Variants in RAB3GAP2 observed in about 807,000 individuals in gnomAD.
The protein encoded by RAB3GAP2 is RAB3 GTPase activating non-catalytic protein subunit 2.
RAB3GAP2 carries 87 observed loss-of-function variants against 185.3 expected under a neutral mutation model. The observed-to-expected ratio is 0.47, with a 90% CI of 0.39 to 0.56. The LOEUF (loss-of-function observed/expected upper bound fraction) is 0.56. RAB3GAP2 is among the 20% of genes least tolerant of loss of function. The pLI, the probability that RAB3GAP2 is intolerant of heterozygous loss-of-function variation, is 0.00. For synonymous variants in RAB3GAP2, 554 were observed against 576.1 expected, an observed-to-expected ratio of 0.96 and a Z score of 0.55; for missense variants, 1,492 against 1,638.2, an observed-to-expected ratio of 0.91 and a Z score of 1.54.
At chr1:220,203,932 A>G (rs1658909672) in intron 8 of RAB3GAP2, among the ~76,000 whole-genome samples, 1 of 152,208 alleles carries the variant, frequency 6.6e-6, no homozygotes, top group African/African-American at 2.4e-5. Context: ...AAATAATTTC[A>G]GATCCCAATT....
Position 220,253,985 on chromosome 1 carries a change from G to A in RAB3GAP2, c.115+18238C>T, listed in dbSNP as rs555208209. 9.2e-5 allele frequency: 149 copies of A among 1,613,722 alleles called. 1 individual carries two copies. The South Asian group carries it at 1.1e-3, about 12-fold the overall frequency. Reference sequence around the variant, plus strand: ...CAGCCTCCTTGGAAGAAAAGGGCCCGGGTAGATCCTACTGTTGAAAATGAG... The same window carrying A: ...CAGCCTCCTTGGAAGAAAAGGGCCCAGGTAGATCCTACTGTTGAAAATGAG... On this transcript the variant is annotated intron_variant, in intron 1 of 34. Coordinates refer to ENST00000358951, the MANE Select transcript of RAB3GAP2 (RefSeq NM_012414.4).
chr1:220,251,284 A>G (rs777201344), intron 1 of RAB3GAP2, among the ~76,000 whole-genome samples: 9 of 152,238 alleles, frequency 5.9e-5, no homozygotes, highest in Non-Finnish European at 1.2e-4. Context: ...GATTTAGATT[A>G]AAATCTAGTA....
At chr1:220,254,283 G>A (rs1659993867) in intron 1 of RAB3GAP2, 1 of 1,613,416 alleles carries the variant, frequency 6.2e-7, no homozygotes, top group Admixed American at 1.7e-5. Flanking sequence ...ATAAATTTGA[G>A]AGACCACAGT....
Position 220,210,468 on chromosome 1 carries a change from G to C in RAB3GAP2, c.532C>G (p.Gln178Glu). ...AGTACTGGGTCCTCATTCAAAAGCT[G>C]TGCAAGCAAGAGCACACCATTCTAG... ...YTENGVLLLA[Q>E]LLNEDPVLQL... The change falls in exon 7 of 35, where the codon CAG becomes GAG. Residue 178 changes from glutamine (Q) to glutamate (E), a missense_variant. Gln to Glu is a conservative substitution (Grantham distance 29). Coordinates refer to ENST00000358951, the MANE Select transcript of RAB3GAP2 (RefSeq NM_012414.4). 6.2e-7 allele frequency: 1 copy of C among 1,613,986 alleles called. No homozygotes were observed. Among genetic ancestry groups the C allele is most frequent in the Admixed American group, 1.7e-5 (1 of 60,024 alleles).
chr1:220,182,860 C>T lies in RAB3GAP2; in HGVS notation c.2070G>A (p.Lys690=). The T allele has an allele frequency of 1.2e-6, 2 of 1,613,506 alleles. No individual in the cohort carries two copies. Among genetic ancestry groups the T allele is most frequent in the Middle Eastern group, 1.7e-4 (1 of 6,046 alleles). The change falls in exon 20 of 35, where the codon AAG becomes AAA. Residue 690 remains lysine (K), a synonymous_variant. Coordinates refer to ENST00000358951, the MANE Select transcript of RAB3GAP2 (RefSeq NM_012414.4). ...GAACATTTGTCCTGGTGTTCTCTTG[C>T]TTATATTTCTCTAGTAATGCCTGGA... ...LKLQALLEKY[K]QENTRTNVRF...
At chr1:220,226,387 T>C (rs1466143023) in intron 2 of RAB3GAP2, among the ~76,000 whole-genome samples, 2 of 151,228 alleles carry the variant, frequency 1.3e-5, no homozygotes, top group Non-Finnish European at 2.9e-5. Context: ...TTCTTTCTCA[T>C]AGCAAAAAAA....
intron 7 of RAB3GAP2, among the ~76,000 whole-genome samples, chr1:220,208,612 C>T (rs560993254): frequency 6.6e-6 from 1 of 152,340 alleles, no homozygotes; most frequent in South Asian, 2.1e-4. Flanking sequence ...CCAACTTTGA[C>T]AATGGCATTC....
At chr1:220,178,651 T>C (rs1415122634) in intron 21 of RAB3GAP2, among the ~76,000 whole-genome samples, 2 of 151,740 alleles carry the variant, frequency 1.3e-5, no homozygotes, top group East Asian at 3.9e-4. Context: ...CTACAATAGA[T>C]ACACAAAAAT....
chr1:220,180,440 T>C (rs1329496311), intron 21 of RAB3GAP2, among the ~76,000 whole-genome samples: 1 of 151,724 alleles, frequency 6.6e-6, no homozygotes, highest in East Asian at 1.9e-4. Context: ...ATAAATAAAA[T>C]CAGAGACAAA....
intron 28 of RAB3GAP2, among the ~76,000 whole-genome samples, chr1:220,159,944 G>A (rs1025685830): frequency 6.6e-6 from 1 of 152,014 alleles, no homozygotes; most frequent in Non-Finnish European, 1.5e-5. Flanking sequence ...TTGAACTCAG[G>A]AGGTAGAGGT....
intron 1 of RAB3GAP2, among the ~76,000 whole-genome samples, chr1:220,252,810 A>C (rs574125147): frequency 6.6e-6 from 1 of 152,098 alleles, no homozygotes; most frequent in Non-Finnish European, 1.5e-5. Flanking sequence ...ACAGAGAACC[A>C]TGAGTTTTAC....
At chr1:220,153,106 T>G (rs1373918181) in intron 33 of RAB3GAP2, 79 bp downstream of exon 33, 57 of 1,106,384 alleles carry the variant, frequency 5.2e-5, no homozygotes, top group Non-Finnish European at 7.6e-5. Context: ...AAGGCTTCAT[T>G]GGAAACTTAA....
In RAB3GAP2 at chr1:220,174,225, A is replaced by C. The variant is rs145203458; in HGVS notation, c.2311-1483T>G. Among the ~76,000 whole-genome samples the C allele has an allele frequency of 4.5e-3, 688 of 152,110 alleles. 3 individuals are homozygous for C. The highest frequency in any genetic ancestry group is 0.016 in the African/African-American group (647 of 41,490). ...CATGTACATATAAATTTATATATGCACTTAATTTTTACACTTACGAAACCA... is the reference window on the plus strand; with the variant it reads ...CATGTACATATAAATTTATATATGCCCTTAATTTTTACACTTACGAAACCA... On this transcript the variant is annotated intron_variant, in intron 21 of 34. Coordinates refer to ENST00000358951, the MANE Select transcript of RAB3GAP2 (RefSeq NM_012414.4).
At chr1:220,232,893 A>G in intron 1 of RAB3GAP2, 30 bp from the exon 2 acceptor site, 1 of 1,588,554 alleles carries the variant, frequency 6.3e-7, no homozygotes, top group Non-Finnish European at 8.6e-7. Flanking sequence ...CAATGCTTGC[A>G]TGAAATATAG....
rs548520232 is a variant in RAB3GAP2, at chr1:220,253,550, A to G, written c.115+18673T>C. The stretch of plus-strand genomic sequence containing the variant: ...AGTCGGGGGTGGTGGGAGAAGGAGG[A>G]GGCGGCAAATCACTTATAAATGGCG... On this transcript the variant is annotated intron_variant, in intron 1 of 34. Transcript: ENST00000358951. The G allele has an allele frequency of 5.1e-6, 8 of 1,580,068 alleles. No homozygotes were observed. The East Asian group carries it at 1.6e-4, about 31-fold the overall frequency.
rs147682354 is a variant in RAB3GAP2 at position 220,165,209 on chromosome 1, G to A, written c.3088-410C>T. Among the ~76,000 whole-genome samples, 483 of 148,300 alleles carry A rather than the reference G, an allele frequency of 3.3e-3. 2 individuals carry two copies. The highest frequency in any genetic ancestry group is 5.7e-3 in the Non-Finnish European group (382 of 67,380). On this transcript the variant is annotated intron_variant, in intron 26 of 34. Coordinates refer to ENST00000358951, the MANE Select transcript of RAB3GAP2 (RefSeq NM_012414.4). The stretch of plus-strand genomic sequence containing the variant: ...ATGCACCAAGCCCTATTTGAAGCAC[G>A]ATGGATTCCATAATGAACAAAACAG...
chr1:220,152,955 T>G (rs1178110897), intron 33 of RAB3GAP2, among the ~76,000 whole-genome samples: 1 of 152,178 alleles, frequency 6.6e-6, no homozygotes, highest in Non-Finnish European at 1.5e-5. Flanking sequence ...AGGAACCTTG[T>G]CTGTTTTGTT....
chr1:220,162,792 T>C (rs1657986116), intron 27 of RAB3GAP2, among the ~76,000 whole-genome samples: 1 of 152,222 alleles, frequency 6.6e-6, no homozygotes, highest in African/African-American at 2.4e-5. Context: ...TGTATGAGAT[T>C]GTTGGGAACA....
rs576668103 is a variant in RAB3GAP2, at chr1:220,210,880, T to A, written c.435-4A>T. On this transcript the variant is annotated splice_polypyrimidine_tract_variant and splice_region_variant and intron_variant, in intron 5 of 34. Coordinates refer to ENST00000358951, the MANE Select transcript of RAB3GAP2 (RefSeq NM_012414.4). ...GTCAGGACGCCCAGTGGAACTCCTG[T>A]TACAAACAAAATTTATTATCTTAAC... 1 of 1,613,880 alleles carries A rather than the reference T, an allele frequency of 6.2e-7. No homozygotes were observed. The highest frequency in any genetic ancestry group is 8.5e-7 in the Non-Finnish European group (1 of 1,179,904).
Sources: allele counts gnomAD v4.1 joint callset (sites outside exome capture counted in the v4.1 genomes callset), GRCh38; gene constraint gnomAD v4.1.1; transcripts MANE v1.5; gene names NCBI Gene and HGNC (gene_info 2026-07-23, HGNC 2026-07-21).